Variants in PTPRD observed in about 807,000 individuals in gnomAD.
PTPRD encodes receptor-type tyrosine-protein phosphatase delta.
Under a neutral mutation model 214.5 loss-of-function variants are expected in PTPRD, and 34 were observed. The ratio of observed to expected loss-of-function variants is 0.16; its 90% confidence interval spans 0.12 to 0.21. The LOEUF (loss-of-function observed/expected upper bound fraction) is 0.21. PTPRD is among the 10% of genes least tolerant of loss of function. The probability of loss-of-function intolerance (pLI) is 1.00; values close to 1 mark genes in which losing one functional copy is unlikely to be tolerated. For synonymous variants in PTPRD, 1,128 were observed against 845.7 expected, an observed-to-expected ratio of 1.33 and a Z score of -5.79; for missense variants, 2,545 against 2,398.7, an observed-to-expected ratio of 1.06 and a Z score of -1.27.
intron 36 of PTPRD, among the ~76,000 whole-genome samples, chr9:8,394,342 C>T (rs1360157795): frequency 6.6e-6 from 1 of 152,004 alleles, no homozygotes; most frequent in African/African-American, 2.4e-5. Context: ...AAGCAGGATG[C>T]AAAATAATAC....
intron 8 of PTPRD, among the ~76,000 whole-genome samples, chr9:9,444,343 T>A (rs1313430826): frequency 1.3e-5 from 2 of 152,192 alleles, no homozygotes; most frequent in Non-Finnish European, 2.9e-5. Flanking sequence ...TTGATATCTA[T>A]TTTTTGTGAG....
intron 7 of PTPRD, among the ~76,000 whole-genome samples, chr9:9,678,755 A>AAGAC (rs2096992818): frequency 6.6e-6 from 1 of 151,884 alleles, no homozygotes; most frequent in South Asian, 2.1e-4. Flanking sequence ...TCTAAACTTT[A>AAGAC]AGACAACTGT....
intron 8 of PTPRD, among the ~76,000 whole-genome samples, chr9:9,505,738 C>T (rs1320738143): frequency 6.6e-6 from 1 of 151,396 alleles, no homozygotes; most frequent in Non-Finnish European, 1.5e-5. Context: ...ATGTTGTTCT[C>T]ATCTACTTAA....
intron 6 of PTPRD, among the ~76,000 whole-genome samples, chr9:9,750,651 T>G (rs888033979): frequency 6.6e-6 from 1 of 152,078 alleles, no homozygotes; most frequent in Non-Finnish European, 1.5e-5. Context: ...GTGTGCATAG[T>G]TTCTTCTGCA....
intron 11 of PTPRD, among the ~76,000 whole-genome samples, chr9:8,878,813 A>G (rs2098417609): frequency 6.6e-6 from 1 of 152,226 alleles, no homozygotes; most frequent in African/African-American, 2.4e-5. Context: ...GGATTACAGC[A>G]TAAGTTATCA....
chr9:8,611,456 G>A (rs953628013), intron 14 of PTPRD, among the ~76,000 whole-genome samples: 1 of 152,138 alleles, frequency 6.6e-6, no homozygotes, highest in Non-Finnish European at 1.5e-5. Flanking sequence ...TGTAATCCCA[G>A]CACTTTGGAA....
At chr9:8,546,570 T>C (rs2080224514) in intron 14 of PTPRD, among the ~76,000 whole-genome samples, 1 of 151,828 alleles carries the variant, frequency 6.6e-6, no homozygotes, top group Non-Finnish European at 1.5e-5. Context: ...ATAATCCTGG[T>C]TCACTGCAAC....
chr9:9,735,294 G>A (rs2154445396), intron 6 of PTPRD, among the ~76,000 whole-genome samples: 1 of 152,178 alleles, frequency 6.6e-6, no homozygotes, highest in South Asian at 2.1e-4. Flanking sequence ...CTGTGTTTGA[G>A]CAGAAATATT....
At chr9:9,196,439 C>T (rs1390745494) in intron 9 of PTPRD, among the ~76,000 whole-genome samples, 1 of 152,092 alleles carries the variant, frequency 6.6e-6, no homozygotes, top group Non-Finnish European at 1.5e-5. Context: ...TTAATGGAGA[C>T]ACTCATCTCT....
At chr9:10,465,245 C>T (rs1448953808) in intron 2 of PTPRD, among the ~76,000 whole-genome samples, 1 of 152,110 alleles carries the variant, frequency 6.6e-6, no homozygotes, top group Non-Finnish European at 1.5e-5. Context: ...TTGCTTATAA[C>T]AACAGCATAT....
intron 9 of PTPRD, among the ~76,000 whole-genome samples, chr9:9,188,912 G>A (rs780265644): frequency 7.9e-5 from 12 of 151,786 alleles, no homozygotes; most frequent in Admixed American, 3.3e-4. Flanking sequence ...AGTGGAAAGA[G>A]TCTCTTTACA....
intron 5 of PTPRD, among the ~76,000 whole-genome samples, chr9:9,777,413 A>G (rs1195371813): frequency 3.3e-5 from 5 of 152,088 alleles, no homozygotes; most frequent in African/African-American, 1.2e-4. Flanking sequence ...ATATAATTCC[A>G]GCTAGGTGTG....
intron 11 of PTPRD, among the ~76,000 whole-genome samples, chr9:9,009,563 T>C (rs2099499272): frequency 6.6e-6 from 1 of 151,838 alleles, no homozygotes; most frequent in Non-Finnish European, 1.5e-5. Flanking sequence ...AAGAAGCAAG[T>C]TGGTATGGAG....
intron 11 of PTPRD, among the ~76,000 whole-genome samples, chr9:8,772,695 G>C: frequency 6.6e-6 from 1 of 152,094 alleles, no homozygotes; most frequent in East Asian, 1.9e-4. Flanking sequence ...GTTCTTGTCT[G>C]CTAACTCTAA....
chr9:10,601,547 A>G (rs1029177547), intron 2 of PTPRD, among the ~76,000 whole-genome samples: 1 of 151,824 alleles, frequency 6.6e-6, no homozygotes, highest in Non-Finnish European at 1.5e-5. Context: ...TTTTCAAATT[A>G]TATTGCATAT....
At position 8,836,784 on chromosome 9, in the gene PTPRD, G is replaced by A. The variant is rs541280021; in HGVS notation, c.-103-102838C>T. ...GCTAATTTTTTGTATTTTTATTAGA[G>A]ATGGGGTTTCACCATGTTGGCCAGG... On this transcript the variant is annotated intron_variant, in intron 11 of 45. Coordinates refer to ENST00000381196, the MANE Select transcript of PTPRD (RefSeq NM_002839.4). 3.9e-3 allele frequency among the ~76,000 whole-genome samples: 595 copies of A among 151,472 alleles called. 3 individuals carry two copies. Among genetic ancestry groups the A allele is most frequent in the African/African-American group, 0.014 (578 of 41,290 alleles).
intron 6 of PTPRD, among the ~76,000 whole-genome samples, chr9:9,742,772 C>T (rs2098417382): frequency 6.6e-6 from 1 of 152,140 alleles, no homozygotes; most frequent in Admixed American, 6.6e-5. Flanking sequence ...TCAACTCTTT[C>T]CTTCCTCTAC....
intron 5 of PTPRD, among the ~76,000 whole-genome samples, chr9:9,916,191 C>G (rs1029254431): frequency 3.3e-5 from 5 of 151,644 alleles, no homozygotes; most frequent in Non-Finnish European, 5.9e-5. Context: ...ACTAAGGGAA[C>G]TCATTACTAC....
intron 11 of PTPRD, among the ~76,000 whole-genome samples, chr9:9,004,671 G>C (rs1403480374): frequency 6.6e-6 from 1 of 152,022 alleles, no homozygotes; most frequent in Admixed American, 6.6e-5. Flanking sequence ...TGCAAATAAA[G>C]AGAATGAGGG....
Sources: gnomAD v4.1 joint callset for allele counts (sites outside exome capture counted in the v4.1 genomes callset) on GRCh38, gnomAD v4.1.1 for gene constraint, MANE v1.5 for transcripts, NCBI Gene and HGNC (gene_info 2026-07-23, HGNC 2026-07-21) for gene names.